CLDN19: variants seen among roughly 807,000 people sequenced by gnomAD.
The protein encoded by CLDN19 is claudin 19.
Under a neutral mutation model 24.5 loss-of-function variants are expected in CLDN19, and 19 were observed. The ratio of observed to expected loss-of-function variants is 0.78; its 90% CI spans 0.54 to 1.14. CLDN19 has a LOEUF of 1.14. Among genes scored for constraint, CLDN19 ranks in the 50% most tolerant of loss-of-function variants. The probability of loss-of-function intolerance (pLI) is 0.00; values close to 1 mark genes in which losing one functional copy is unlikely to be tolerated. For synonymous variants in CLDN19, 117 were observed against 129.6 expected (o/e 0.90, Z 0.66); for missense variants, 250 against 295.9 (o/e 0.84, Z 1.14).
At chr1:42,735,192 G>A in intron 4 of CLDN19, 58 bp from the exon 5 acceptor site, 2 of 1,609,130 alleles carry the variant, frequency 1.2e-6, no homozygotes, top group South Asian at 2.2e-5. Context: ...TCGGGGGCAG[G>A]GGCTGTGCAT....
chr1:42,734,883 C>G lies in CLDN19; in HGVS notation c.*203G>C, dbSNP rs1017633734. 2 of 614,364 alleles carry G rather than the reference C, an allele frequency of 3.3e-6. No homozygotes were observed. Among genetic ancestry groups the G allele is most frequent in the African/African-American group, 3.7e-5 (2 of 53,898 alleles). 38.1% of individuals were successfully genotyped at this position (614,364 alleles called of 1,614,324 possible). ...CCCTGGATGTGCTATGTAACCCACC[C>G]TGGACCTCTGTCTCCTCATCTTTCT... On this transcript the variant is annotated 3_prime_UTR_variant, in exon 5 of 5. Coordinates refer to ENST00000296387, the MANE Select transcript of CLDN19 (RefSeq NM_148960.3).
rs1204652754 is a variant in CLDN19, at chr1:42,734,867, T to C, written c.*219A>G. The C allele has an allele frequency of 3.4e-6, 2 of 593,410 alleles. No individual in the cohort carries two copies. Among genetic ancestry groups the C allele is most frequent in the Non-Finnish European group, 3.1e-6 (1 of 326,394 alleles). The allele number at this position is 593,410 out of a possible 1,614,324, so 36.8% of individuals were successfully genotyped here. A position where few individuals can be genotyped will look rare whatever the true frequency, so the allele number is the denominator to read the frequency against. ...ATTATTTCTTGCTTAGCCCTGGATG[T>C]GCTATGTAACCCACCCTGGACCTCT... On this transcript the variant is annotated 3_prime_UTR_variant, in exon 5 of 5. Transcript: ENST00000296387.
chr1:42,735,774 T>G, intron 4 of CLDN19, 104 bp downstream of exon 4: 1 of 1,534,172 alleles, frequency 6.5e-7, no homozygotes, highest in Non-Finnish European at 8.8e-7. Context: ...ATGCCCATCC[T>G]ATGCCCCAGT....
intron 3 of CLDN19, 124 bp from the exon 4 acceptor site, chr1:42,736,154 A>G: frequency 1.6e-6 from 1 of 637,378 alleles, no homozygotes; most frequent in East Asian, 2.7e-5. Flanking sequence ...AACCTCTTCC[A>G]TATCTCCAGA....
Position 42,733,773 on chromosome 1 carries a change from G to GCCAGT in CLDN19, c.*1312_*1313insACTGG. 6.5e-6 allele frequency: 1 copy of GCCAGT among 153,008 alleles called. No homozygotes were observed. The highest frequency in any genetic ancestry group is 2.4e-5 in the African/African-American group (1 of 41,592). 9.5% of individuals were successfully genotyped at this position (153,008 alleles called of 1,614,324 possible). A position where few individuals can be genotyped will look rare whatever the true frequency, so the allele number is the denominator to read the frequency against. ...GGATGTGCAGCACCGGCCAGGCCAG[G>GCCAGT]CGCCGAGGGGTCAGTCCCCCAGCAG... On this transcript the variant is annotated 3_prime_UTR_variant, in exon 5 of 5. Coordinates refer to ENST00000296387, the MANE Select transcript of CLDN19 (RefSeq NM_148960.3).
At chr1:42,736,567 G>C (rs1651381274) in intron 3 of CLDN19, among the ~76,000 whole-genome samples, 1 of 150,482 alleles carries the variant, frequency 6.6e-6, no homozygotes, top group Non-Finnish European at 1.5e-5. Flanking sequence ...CCCCCAGCTG[G>C]GGCACCAAGC....
rs12141833 is a variant in CLDN19, at chr1:42,735,545, A to C, written c.626+333T>G. ...GGGCCCAGCACGTAGCAGACACCCA[A>C]GCAGCTCTTCAGTGAGTAAACAGCC... On this transcript the variant is annotated intron_variant, in intron 4 of 4. Coordinates refer to ENST00000296387, the MANE Select transcript of CLDN19 (RefSeq NM_148960.3). 826,396 of 1,415,882 alleles carry C rather than the reference A, an allele frequency of 0.58. 243,538 individuals carry two copies. The highest frequency in any genetic ancestry group is 0.67 in the South Asian group (40,773 of 61,214). 87.7% of individuals were successfully genotyped at this position (1,415,882 alleles called of 1,614,324 possible). A position where few individuals can be genotyped will look rare whatever the true frequency, so the allele number is the denominator to read the frequency against.
intron 3 of CLDN19, among the ~76,000 whole-genome samples, chr1:42,736,794 C>T (rs1369793258): frequency 6.6e-6 from 1 of 152,226 alleles, no homozygotes; most frequent in African/African-American, 2.4e-5. Flanking sequence ...CATCAGTGTC[C>T]CCAGGACCCA....
chr1:42,736,538 G>C (rs1651380544), intron 3 of CLDN19, among the ~76,000 whole-genome samples: 1 of 151,302 alleles, frequency 6.6e-6, no homozygotes. Context: ...TCACTGCCTT[G>C]GTGCCTTTGC....
Position 42,740,025 on chromosome 1 carries a change from C to A in CLDN19, c.39G>T (p.Leu13Phe), listed in dbSNP as rs12065961. 2,085 of 1,565,504 alleles carry A rather than the reference C, an allele frequency of 1.3e-3. 29 individuals carry two copies. In the African/African-American group the frequency reaches 0.024, roughly 18 times the overall value. The stretch of plus-strand genomic sequence containing the variant: ...TGATGCCCACCCAGCCACCCAGGGC[C>A]AAGAAGTAGCCCAGGAGCTGGAGGC... The part of the protein sequence containing the change: ...NSGLQLLGYF[L>F]ALGGWVGIIA... Residue 13 changes from leucine to phenylalanine, a missense_variant, in exon 1 of 5, where the codon TTG (leucine) becomes TTT (phenylalanine). Leu to Phe is a conservative substitution (Grantham distance 22). Transcript: ENST00000296387.
At chr1:42,738,050 C>A (rs1194173289) in intron 3 of CLDN19, among the ~76,000 whole-genome samples, 179 bp downstream of exon 3, 1 of 152,204 alleles carries the variant, frequency 6.6e-6, no homozygotes, top group Non-Finnish European at 1.5e-5. Context: ...CACCTGGGTG[C>A]CCATCACAGG....
chr1:42,735,014 T>G lies in CLDN19; in HGVS notation c.*72A>C. On this transcript the variant is annotated 3_prime_UTR_variant, in exon 5 of 5. Transcript: ENST00000296387. ...CCATGATTGGGGCTGGATGTTCACT[T>G]CTCTTTCCAAAAAAATATGAAACAC... The G allele has an allele frequency of 8.6e-6, 11 of 1,281,998 alleles. 1 individual carries two copies. In the South Asian group the frequency reaches 1.3e-4, roughly 16 times the overall value. 79.4% of individuals were successfully genotyped at this position (1,281,998 alleles called of 1,614,324 possible).
chr1:42,739,982 G>C lies in CLDN19; in HGVS notation c.82C>G (p.Pro28Ala). The stretch of plus-strand genomic sequence containing the variant: ...GCGTAGGAAGACTGCTTCCACTGTG[G>C]CAGGGCTGTGCTAGCAATGATGCCC... ...WVGIIASTAL[P>A]QWKQSSYAGD... Residue 28 changes from proline (P) to alanine (A), a missense_variant, in exon 1 of 5, where the codon CCA (proline) becomes GCA (alanine). Coordinates refer to ENST00000296387, the MANE Select transcript of CLDN19 (RefSeq NM_148960.3). 6.3e-7 allele frequency: 1 copy of C among 1,590,732 alleles called. No homozygotes were observed. The highest frequency in any genetic ancestry group is 8.6e-7 in the Non-Finnish European group (1 of 1,168,508).
At position 42,740,060 on chromosome 1, in the gene CLDN19, C is replaced by A; in HGVS notation, c.4G>T (p.Ala2Ser). Residue 2 changes from alanine (A) to serine (S), a missense_variant, in exon 1 of 5, where the codon GCC becomes TCC. Coordinates refer to ENST00000296387, the MANE Select transcript of CLDN19 (RefSeq NM_148960.3). ...CCCAGGAGCTGGAGGCCTGAGTTGG[C>A]CATGGCCCAGGAGAGAGGACCGAGG... M[A>S]NSGLQLLGYF... 1 of 1,552,438 alleles carries A rather than the reference C, an allele frequency of 6.4e-7. No homozygotes were observed.
Position 42,737,033 on chromosome 1 carries a change from T to G in CLDN19, c.474-1003A>C, listed in dbSNP as rs148227447. ...GCAAAAGCCCAGACATCTTTTCTCA[T>G]CCTCTCTCCACCCCAAGGCCCAAAG... On this transcript the variant is annotated intron_variant, in intron 3 of 4. Coordinates refer to ENST00000296387, the MANE Select transcript of CLDN19 (RefSeq NM_148960.3). Among the ~76,000 whole-genome samples the G allele has an allele frequency of 5.3e-4, 81 of 152,240 alleles. No homozygotes were observed. In the East Asian group the frequency reaches 0.015, roughly 28 times the overall value.
chr1:42,734,915 G>C lies in CLDN19; in HGVS notation c.*171C>G, dbSNP rs1651304043. 1 of 631,890 alleles carries C rather than the reference G, an allele frequency of 1.6e-6. No individual in the cohort carries two copies. The highest frequency in any genetic ancestry group is 1.9e-5 in the South Asian group (1 of 51,282). The allele number at this position is 631,890 out of a possible 1,614,324, so 39.1% of individuals were successfully genotyped here. On this transcript the variant is annotated 3_prime_UTR_variant, in exon 5 of 5. Coordinates refer to ENST00000296387, the MANE Select transcript of CLDN19 (RefSeq NM_148960.3). Reference sequence around the variant, plus strand: ...TCTGTCTCCTCATCTTTCTGCCCAAGAGCCCCAGGGGTCAGCACTGACCAC... The same window carrying C: ...TCTGTCTCCTCATCTTTCTGCCCAACAGCCCCAGGGGTCAGCACTGACCAC...
chr1:42,735,166 G>C (rs1477762274), intron 4 of CLDN19, 32 bp from the exon 5 acceptor site: 2 of 1,613,390 alleles, frequency 1.2e-6, no homozygotes, highest in Non-Finnish European at 1.7e-6. Flanking sequence ...GCTGGTTAGT[G>C]GAGTGAGCTG....
rs1432786550 is a variant in CLDN19 at position 42,733,486 on chromosome 1, AGG to A, written c.*1598_*1599del. On this transcript the variant is annotated 3_prime_UTR_variant, in exon 5 of 5. Transcript: ENST00000296387. Reference sequence around the variant, plus strand: ...GCTGACCACACACTACAGTCCCCTGAGGAGCTACATGACTTCTGATGCCAGGT... The same window carrying A: ...GCTGACCACACACTACAGTCCCCTGAAGCTACATGACTTCTGATGCCAGGT... The A allele has an allele frequency of 1.3e-5, 2 of 152,270 alleles. No homozygotes were observed. Among genetic ancestry groups the A allele is most frequent in the African/African-American group, 4.8e-5 (2 of 41,452 alleles). The allele number at this position is 152,270 out of a possible 1,614,324, so 9.4% of individuals were successfully genotyped here.
At chr1:42,739,412 A>G (rs1441635077) in intron 1 of CLDN19, among the ~76,000 whole-genome samples, 1 of 152,220 alleles carries the variant, frequency 6.6e-6, no homozygotes, top group Non-Finnish European at 1.5e-5. Context: ...GCATGCACCC[A>G]TATGCTGGCA....
Sources: allele counts gnomAD v4.1 joint callset (sites outside exome capture counted in the v4.1 genomes callset), GRCh38; gene constraint gnomAD v4.1.1; transcripts MANE v1.5; gene names NCBI Gene and HGNC (gene_info 2026-07-23, HGNC 2026-07-21).